The following POU2F1 variants were observed in gnomAD, a reference collection of about 807,000 sequenced individuals.
POU2F1 encodes the protein POU class 2 homeobox 1, also known as POU domain, class 2, transcription factor 1.
In POU2F1, 16 loss-of-function variants were observed where a neutral mutation model predicts 84.9. The ratio of observed to expected loss-of-function variants is 0.19; its 90% CI spans 0.13 to 0.29. POU2F1 has a LOEUF of 0.29. Among genes scored for constraint, POU2F1 ranks in the 10% least tolerant of loss-of-function variants. The pLI is 1.00. For synonymous variants in POU2F1, 368 were observed against 368.3 expected (o/e 1.00, Z 0.01); for missense variants, 738 against 942.6 (o/e 0.78, Z 2.84).
At chr1:167,270,133 CAGT>C (rs1339237453) in intron 1 of POU2F1, among the ~76,000 whole-genome samples, 5 of 152,012 alleles carry the variant, frequency 3.3e-5, no homozygotes, top group South Asian at 2.1e-4. Context: ...TTTGTAGGAA[CAGT>C]AGTAACATTT....
intron 13 of POU2F1, among the ~76,000 whole-genome samples, chr1:167,403,344 G>T (rs1485974250): frequency 6.6e-6 from 1 of 152,194 alleles, no homozygotes; most frequent in Non-Finnish European, 1.5e-5. Flanking sequence ...AGAGGACTCA[G>T]GCTCTGCCTG....
At chr1:167,283,178 G>GTTTC (rs909084708) in intron 1 of POU2F1, among the ~76,000 whole-genome samples, 8 of 151,962 alleles carry the variant, frequency 5.3e-5, no homozygotes, top group Admixed American at 4.6e-4. Context: ...TCAACTTAAA[G>GTTTC]TTTATTTAAA....
chr1:167,227,478 C>G (rs1035388754), intron 1 of POU2F1, among the ~76,000 whole-genome samples: 9 of 152,086 alleles, frequency 5.9e-5, no homozygotes, highest in Non-Finnish European at 1.2e-4. Context: ...AATGGAGTTG[C>G]ACTGATACCT....
intron 1 of POU2F1, among the ~76,000 whole-genome samples, chr1:167,237,162 C>T (rs1383632806): frequency 6.6e-6 from 1 of 152,154 alleles, no homozygotes. Context: ...TAACATACAG[C>T]AGTGACAGCA....
chr1:167,390,081 T>C (rs558964712), intron 9 of POU2F1, among the ~76,000 whole-genome samples: 1 of 152,338 alleles, frequency 6.6e-6, no homozygotes, highest in South Asian at 2.1e-4. Flanking sequence ...GACTTGAGCA[T>C]CAGTGGATTT....
intron 2 of POU2F1, among the ~76,000 whole-genome samples, chr1:167,346,966 A>G (rs910807752): frequency 1.3e-5 from 2 of 152,210 alleles, no homozygotes; most frequent in Non-Finnish European, 2.9e-5. Flanking sequence ...CACACAAACA[A>G]TCTAAAAAAT....
At chr1:167,354,882 T>G (rs982387601) in intron 2 of POU2F1, among the ~76,000 whole-genome samples, 1 of 152,206 alleles carries the variant, frequency 6.6e-6, no homozygotes, top group Non-Finnish European at 1.5e-5. Flanking sequence ...TTGGGTTGAC[T>G]TTTTCTTATT....
chr1:167,379,531 A>C (rs1309079498), intron 7 of POU2F1: 1 of 152,174 alleles, frequency 6.6e-6, no homozygotes, highest in Non-Finnish European at 1.5e-5. Flanking sequence ...TGTTAGAAGA[A>C]CCTTGGTGAA....
chr1:167,245,672 C>T (rs1650262775), intron 1 of POU2F1, among the ~76,000 whole-genome samples: 1 of 152,070 alleles, frequency 6.6e-6, no homozygotes, highest in East Asian at 1.9e-4. Flanking sequence ...CTCAGCCTCC[C>T]AAAGTGCTGG....
intron 1 of POU2F1, among the ~76,000 whole-genome samples, chr1:167,239,428 A>G (rs531226901): frequency 1.3e-5 from 2 of 152,342 alleles, no homozygotes; most frequent in South Asian, 4.1e-4. Flanking sequence ...GTAAAAGAAC[A>G]TATGTAAAAG....
chr1:167,231,134 G>A (rs537738250), intron 1 of POU2F1, among the ~76,000 whole-genome samples: 3 of 152,268 alleles, frequency 2.0e-5, no homozygotes, highest in African/African-American at 4.8e-5. Context: ...TAGCATTAAC[G>A]ATAATAGCTT....
At chr1:167,312,449 C>T (rs1203353730) in intron 1 of POU2F1, among the ~76,000 whole-genome samples, 3 of 151,892 alleles carry the variant, frequency 2.0e-5, no homozygotes, top group South Asian at 4.2e-4. Context: ...AGGCGGGTCT[C>T]GAACTCCTGA....
chr1:167,423,883 T>C lies in POU2F1; in HGVS notation c.*8073T>C, dbSNP rs556840982. On this transcript the variant is annotated 3_prime_UTR_variant, in exon 16 of 16. Transcript: ENST00000367866. ...CAAAGTCTGCAGGCAGACAGCTGGA[T>C]ACAGCGCTGTGTATAAATGAGACGT... is the stretch of plus-strand genomic sequence containing the variant. 1.3e-5 allele frequency: 2 copies of C among 152,384 alleles called. No homozygotes were observed. The highest frequency in any genetic ancestry group is 3.9e-4 in the East Asian group (2 of 5,186). 9.4% of individuals were successfully genotyped at this position (152,384 alleles called of 1,614,324 possible). A position where few individuals can be genotyped will look rare whatever the true frequency, so the allele number is the denominator to read the frequency against.
At chr1:167,250,538 A>C (rs1313407459) in intron 1 of POU2F1, among the ~76,000 whole-genome samples, 1 of 152,176 alleles carries the variant, frequency 6.6e-6, no homozygotes, top group Non-Finnish European at 1.5e-5. Flanking sequence ...GTTTTGAGAG[A>C]ATTCATTTGT....
At chr1:167,398,164 G>C in intron 11 of POU2F1, 31 bp downstream of exon 11, 1 of 1,609,662 alleles carries the variant, frequency 6.2e-7, no homozygotes, top group Non-Finnish European at 8.5e-7. Context: ...TCTGTACATG[G>C]GATTGTCTGT....
intron 1 of POU2F1, among the ~76,000 whole-genome samples, chr1:167,223,621 T>C (rs1246469146): frequency 6.6e-6 from 1 of 152,178 alleles, no homozygotes; most frequent in Non-Finnish European, 1.5e-5. Context: ...CAGTTTAATT[T>C]GTAACAAAAT....
intron 1 of POU2F1, among the ~76,000 whole-genome samples, chr1:167,297,700 C>T (rs947849454): frequency 3.3e-5 from 5 of 152,172 alleles, no homozygotes; most frequent in Non-Finnish European, 5.9e-5. Flanking sequence ...GGAATGGCAA[C>T]CAGCATGTAC....
intron 13 of POU2F1, among the ~76,000 whole-genome samples, chr1:167,408,355 A>G (rs1218506512): frequency 6.6e-6 from 1 of 152,252 alleles, no homozygotes; most frequent in Admixed American, 6.5e-5. Flanking sequence ...CGTCCTACCC[A>G]GCAATTTCCC....
chr1:167,398,213 G>A (rs113395514), intron 11 of POU2F1, 80 bp downstream of exon 11: 17 of 1,474,702 alleles, frequency 1.2e-5, no homozygotes, highest in African/African-American at 1.1e-4. Context: ...AACTGTAGGT[G>A]GTAAAAGATG....
Sources: allele counts gnomAD v4.1 joint callset (sites outside exome capture counted in the v4.1 genomes callset), GRCh38; gene constraint gnomAD v4.1.1; transcripts MANE v1.5; gene names NCBI Gene and HGNC (gene_info 2026-07-23, HGNC 2026-07-21).